The following PHKA2 variants were observed in gnomAD, a reference collection of about 807,000 sequenced individuals.
The protein encoded by PHKA2 is phosphorylase b kinase regulatory subunit alpha, liver isoform.
PHKA2 carries 31 observed loss-of-function variants against 102.0 expected under a neutral mutation model. That is an observed-to-expected ratio of 0.30 (90% CI 0.23 to 0.41). PHKA2 has a LOEUF of 0.41. PHKA2 is among the 10% of genes least tolerant of loss of function. PHKA2 has a pLI of 1.00. For synonymous variants in PHKA2, 455 were observed against 416.2 expected (o/e 1.09, Z -1.13); for missense variants, 858 against 1,023.1 (o/e 0.84, Z 2.20).
Position 18,925,673 on chromosome X carries a change from G to T in PHKA2, c.1564C>A (p.Pro522Thr), listed in dbSNP as rs774847221. The change falls in exon 15 of 33, where the codon CCC becomes ACC. Residue 522 changes from proline to threonine, a missense_variant. Physicochemically the swap from Pro to Thr is conservative, Grantham distance 38. This residue lies in a region of PHKA2 where 671 missense variants were observed against 745.2 expected (regional missense o/e 0.90). Coordinates refer to ENST00000379942, the MANE Select transcript of PHKA2 (RefSeq NM_000292.3). ...CGTTGGCCTGCTCTCCTCACCTGGG[G>T]TGTAAAAGTAAAGATTTGGTTCCTA... ...VIRNQIFTFT[P>T]QFTDQHHFYL... The T allele has an allele frequency of 1.8e-6, 2 of 1,117,287 alleles. No individual in the cohort carries two copies. Among genetic ancestry groups the T allele is most frequent in the South Asian group, 1.8e-5 (1 of 54,876 alleles). The allele number at this position is 1,117,287 out of a possible 1,213,427, so 92.1% of individuals were successfully genotyped here. A position where few individuals can be genotyped will look rare whatever the true frequency, so the allele number is the denominator to read the frequency against.
At chrX:18,928,746 C>T (rs1455059554) in intron 13 of PHKA2, among the ~76,000 whole-genome samples, 1 of 112,632 alleles carries the variant, frequency 8.9e-6, no homozygotes, top group Non-Finnish European at 1.9e-5. Context: ...GGTGAAATCA[C>T]TTGGCTAGGC....
intron 1 of PHKA2, among the ~76,000 whole-genome samples, chrX:18,959,628 C>T (rs12851456): frequency 3.6e-5 from 4 of 111,332 alleles, no homozygotes; most frequent in African/African-American, 1.3e-4. Flanking sequence ...GTTTACTTTG[C>T]TAAACTCTCT....
At chrX:18,961,628 C>T (rs1487294884) in intron 1 of PHKA2, among the ~76,000 whole-genome samples, 1 of 98,610 alleles carries the variant, frequency 1.0e-5, no homozygotes, top group Non-Finnish European at 2.0e-5. Context: ...ACACTGCACT[C>T]CAGCCCGGGT....
chrX:18,919,734 A>C (rs2048081981), intron 18 of PHKA2, among the ~76,000 whole-genome samples: 1 of 105,890 alleles, frequency 9.4e-6, no homozygotes, highest in African/African-American at 3.5e-5. Flanking sequence ...ACAACAAAAA[A>C]AAAAAAAAAA....
chrX:18,915,897 C>G (rs1437538928), intron 19 of PHKA2, among the ~76,000 whole-genome samples: 1 of 111,209 alleles, frequency 9.0e-6, no homozygotes, highest in Non-Finnish European at 1.9e-5. Context: ...AAAGAAAGAA[C>G]AGAGAAAATG....
At chrX:18,924,013 G>A in intron 17 of PHKA2, 43 bp downstream of exon 17, 4 of 895,508 alleles carry the variant, frequency 4.5e-6, no homozygotes, top group Non-Finnish European at 6.6e-6. Context: ...CTTTAAGAAA[G>A]GTCAGTGCTA....
Position 18,906,591 on chromosome X carries a change from C to A in PHKA2, c.2710G>T (p.Ala904Ser). 1 of 1,198,899 alleles carries A rather than the reference C, an allele frequency of 8.3e-7. No individual in the cohort carries two copies. The highest frequency in any genetic ancestry group is 1.1e-6 in the Non-Finnish European group (1 of 883,307). ...IVVYLAMYVR[A>S]QPSLFVEMLR... is the part of the protein sequence containing the mutation. ...ATCTCCACAAAGAGGCTGGGCTGCG[C>A]CCTGACATACATGGCCAGGTAAACC... The change falls in exon 25 of 33, where the codon GCG becomes TCG. Residue 904 changes from alanine to serine, a missense_variant. Physicochemically the swap from Ala to Ser is moderately conservative, Grantham distance 99. Transcript: ENST00000379942.
intron 1 of PHKA2, among the ~76,000 whole-genome samples, chrX:18,967,523 T>C (rs2148023187): frequency 9.3e-6 from 1 of 107,653 alleles, no homozygotes; most frequent in African/African-American, 3.4e-5. Context: ...ATGAGGGTGG[T>C]GACAATGAAT....
intron 27 of PHKA2, among the ~76,000 whole-genome samples, chrX:18,901,067 G>A (rs2047672931): frequency 9.3e-6 from 1 of 107,403 alleles, no homozygotes; most frequent in Non-Finnish European, 1.9e-5. Flanking sequence ...AGACCCCTGT[G>A]GCTGGTGGAG....
chrX:18,951,248 G>A lies in PHKA2; in HGVS notation c.310C>T (p.His104Tyr). The change falls in exon 4 of 33, where the codon CAC (histidine) becomes TAC (tyrosine). Residue 104 changes from histidine to tyrosine, a missense_variant. By Grantham distance (83) the His-to-Tyr change is moderately conservative. This residue lies in a region of PHKA2 where 187 missense variants were observed against 277.9 expected (regional missense o/e 0.67). Coordinates refer to ENST00000379942, the MANE Select transcript of PHKA2 (RefSeq NM_000292.3). ...RQVAKVEKFKHTQSTKDSLHA... is the reference protein window; with the variant it reads ...RQVAKVEKFKYTQSTKDSLHA... ...AGGCTGTCCTTGGTGCTCTGAGTGT[G>A]TTTGAACTTCTCCACTTTGGCCACC... 8.3e-7 allele frequency: 1 copy of A among 1,210,082 alleles called. No homozygotes were observed. Among genetic ancestry groups the A allele is most frequent in the East Asian group, 3.0e-5 (1 of 33,754 alleles).
intron 26 of PHKA2, among the ~76,000 whole-genome samples, chrX:18,904,919 C>T (rs1435930537): frequency 9.0e-6 from 1 of 111,631 alleles, no homozygotes; most frequent in Admixed American, 9.5e-5. Context: ...ACAAGAATCA[C>T]GCCAGGACTT....
Position 18,893,070 on chromosome X carries a change from G to A in PHKA2, c.*415C>T, listed in dbSNP as rs1214673483. The A allele has an allele frequency of 4.8e-6, 1 of 207,323 alleles. No homozygotes were observed. The highest frequency in any genetic ancestry group is 9.0e-6 in the Non-Finnish European group (1 of 111,335). 17.1% of individuals were successfully genotyped at this position (207,323 alleles called of 1,213,427 possible). ...GCCCTTGTCAAGGCTACTGCCGCCA[G>A]GAGGATCTTTGCATCTTTAGGATGT... On this transcript the variant is annotated 3_prime_UTR_variant, in exon 33 of 33. Coordinates refer to ENST00000379942, the MANE Select transcript of PHKA2 (RefSeq NM_000292.3).
chrX:18,946,631 C>A (rs953704310), intron 5 of PHKA2, among the ~76,000 whole-genome samples: 37 of 109,869 alleles, frequency 3.4e-4, no homozygotes, highest in African/African-American at 1.1e-3. Context: ...GTACCCTTTT[C>A]CTCAAGCACC....
chrX:18,895,377 G>T (rs1027019549), intron 30 of PHKA2, 186 bp from the exon 31 acceptor site: 6 of 483,894 alleles, frequency 1.2e-5, no homozygotes, highest in Non-Finnish European at 1.8e-5. Flanking sequence ...CTGTGTTTTC[G>T]ATGGAACAAT....
chrX:18,965,969 T>C (rs1166690742), intron 1 of PHKA2, among the ~76,000 whole-genome samples: 3 of 110,267 alleles, frequency 2.7e-5, no homozygotes, highest in African/African-American at 9.9e-5. Flanking sequence ...CAATCTGGTG[T>C]ATCTCCACTT....
intron 19 of PHKA2, among the ~76,000 whole-genome samples, chrX:18,913,411 CTT>C (rs1043040372): frequency 9.5e-6 from 1 of 105,204 alleles, no homozygotes. Context: ...TATTTTCTTT[CTT>C]TTTTTTTTTT....
At position 18,895,207 on chromosome X, in the gene PHKA2, A is replaced by G; in HGVS notation, c.3283-16T>C. 1 of 1,202,930 alleles carries G rather than the reference A, an allele frequency of 8.3e-7. No individual in the cohort carries two copies. The highest frequency in any genetic ancestry group is 1.1e-6 in the Non-Finnish European group (1 of 887,523). On this transcript the variant is annotated splice_polypyrimidine_tract_variant and intron_variant, in intron 30 of 32. Transcript: ENST00000379942. ...GACCGTGGCACTGGAGGCAGAATAGAGCGCATTTCAGTCAGATTCCAGAAT... is the reference window on the plus strand; with the variant it reads ...GACCGTGGCACTGGAGGCAGAATAGGGCGCATTTCAGTCAGATTCCAGAAT...
chrX:18,924,399 T>C lies in PHKA2; in HGVS notation c.1696A>G (p.Ile566Val). The C allele has an allele frequency of 8.3e-7, 1 of 1,210,773 alleles. No individual in the cohort carries two copies. Among genetic ancestry groups the C allele is most frequent in the East Asian group, 3.0e-5 (1 of 33,813 alleles). The change falls in exon 16 of 33, where the codon ATC (isoleucine) becomes GTC (valine). Residue 566 changes from isoleucine (I) to valine (V), a missense_variant. Physicochemically the swap from Ile to Val is conservative, Grantham distance 29 (BLOSUM62 3). This residue lies in a region of PHKA2 where 671 missense variants were observed against 745.2 expected (regional missense o/e 0.90). Coordinates refer to ENST00000379942, the MANE Select transcript of PHKA2 (RefSeq NM_000292.3). The part of the protein sequence containing the change: ...MTGRPTLTFP[I>V]SRTMLTNDGS... ...GAGTTACTGAGCATGGTGCGACTGATGGGGAAGGTGAGTGTGGGTCTGCCC... is the reference window on the plus strand; with the variant it reads ...GAGTTACTGAGCATGGTGCGACTGACGGGGAAGGTGAGTGTGGGTCTGCCC...
chrX:18,907,131 C>T (rs371434486), intron 22 of PHKA2, 34 bp from the exon 23 acceptor site: 9 of 1,039,888 alleles, frequency 8.7e-6, no homozygotes, highest in African/African-American at 3.8e-5. Flanking sequence ...AGAGGCAGAG[C>T]GCGAGAGAGA....
Sources: gnomAD v4.1 joint callset for allele counts (sites outside exome capture counted in the v4.1 genomes callset) on GRCh38, gnomAD v4.1.1 for gene constraint, gnomAD v4.1.1 regional missense constraint, MANE v1.5 for transcripts, NCBI Gene and HGNC (gene_info 2026-07-23, HGNC 2026-07-21) for gene names.